The following PTPN22 variants were observed in gnomAD, a reference collection of about 807,000 sequenced individuals.
PTPN22 encodes protein tyrosine phosphatase non-receptor type 22, also known as tyrosine-protein phosphatase non-receptor type 22.
PTPN22 carries 85 observed loss-of-function variants against 103.3 expected under a neutral mutation model. That is an observed-to-expected ratio of 0.82 (90% CI 0.69 to 0.99). The LOEUF (loss-of-function observed/expected upper bound fraction) is 0.99. PTPN22 is among the 50% of genes least tolerant of loss of function. PTPN22 has a pLI of 0.00. For missense variants in PTPN22, 865 were observed against 936.9 expected (o/e 0.92, Z 1.00); for synonymous variants, 323 against 310.2 (o/e 1.04, Z -0.43).
chr1:113,845,295 C>T (rs1348695785), intron 11 of PTPN22, among the ~76,000 whole-genome samples: 1 of 150,512 alleles, frequency 6.6e-6, no homozygotes, highest in Non-Finnish European at 1.5e-5. Flanking sequence ...CTACCAGGTT[C>T]GGGTTCAAGT....
At chr1:113,866,650 T>C (rs145578765) in intron 1 of PTPN22, among the ~76,000 whole-genome samples, 1 of 152,236 alleles carries the variant, frequency 6.6e-6, no homozygotes, top group African/African-American at 2.4e-5. Context: ...TAAGTGAAAA[T>C]ATGAGAACAC....
At chr1:113,863,645 G>A (rs1236303667) in intron 1 of PTPN22, among the ~76,000 whole-genome samples, 1 of 152,176 alleles carries the variant, frequency 6.6e-6, no homozygotes, top group African/African-American at 2.4e-5. Context: ...CACTTGCTCT[G>A]TAGGAAGTAC....
In PTPN22 at chr1:113,829,722, AG is replaced by A; in HGVS notation, c.2135-16del. ...GGCCTGCATACCTTAAAAAAAAAAA[AG>A]GAGAAAAACATGTTCCATTGCATAC... On this transcript the variant is annotated splice_polypyrimidine_tract_variant and intron_variant, in intron 17 of 20. Transcript: ENST00000359785. 1 of 1,153,004 alleles carries A rather than the reference AG, an allele frequency of 8.7e-7. No homozygotes were observed. Among genetic ancestry groups the A allele is most frequent in the Non-Finnish European group, 1.3e-6 (1 of 795,566 alleles). The allele number at this position is 1,153,004 out of a possible 1,614,324, so 71.4% of individuals were successfully genotyped here.
exon 3 of PTPN22, chr1:113,859,055 A>G (rs749896098): frequency 2.3e-5 from 37 of 1,613,998 alleles, no homozygotes; most frequent in Non-Finnish European, 3.1e-5. Context: ...GTTATCAGGG[A>G]TAGTTCTACC....
intron 14 of PTPN22, 85 bp from the exon 15 acceptor site, chr1:113,834,524 A>G: frequency 4.3e-6 from 6 of 1,380,576 alleles, no homozygotes; most frequent in Non-Finnish European, 6.1e-6. Flanking sequence ...TACATAAAAC[A>G]TTGAAAGGAC....
intron 18 of PTPN22, among the ~76,000 whole-genome samples, chr1:113,825,772 G>A (rs553977262): frequency 2.4e-4 from 36 of 152,188 alleles, no homozygotes; most frequent in Admixed American, 7.8e-4. Context: ...AGAGTGCAGT[G>A]GCGTGATCTC....
At chr1:113,826,359 A>G (rs1025535160) in intron 18 of PTPN22, among the ~76,000 whole-genome samples, 3 of 148,304 alleles carry the variant, frequency 2.0e-5, no homozygotes, top group Non-Finnish European at 4.5e-5. Flanking sequence ...AGAAAGAAAG[A>G]GAAAGAGAGA....
chr1:113,830,220 G>A (rs1332818318), intron 16 of PTPN22, among the ~76,000 whole-genome samples, 191 bp from the exon 17 acceptor site: 3 of 152,116 alleles, frequency 2.0e-5, no homozygotes, highest in Non-Finnish European at 2.9e-5. Context: ...ATGAGCCTAT[G>A]ATTCATCAAA....
At chr1:113,831,267 A>G (rs1352201906) in intron 16 of PTPN22, among the ~76,000 whole-genome samples, 1 of 152,164 alleles carries the variant, frequency 6.6e-6, no homozygotes, top group African/African-American at 2.4e-5. Context: ...AGTAAAATAC[A>G]CATAAGATTT....
intron 10 of PTPN22, among the ~76,000 whole-genome samples, chr1:113,849,006 A>G (rs904916467): frequency 6.6e-6 from 1 of 152,128 alleles, no homozygotes; most frequent in Non-Finnish European, 1.5e-5. Context: ...TTTGTAAGCA[A>G]CCTTCATCTT....
chr1:113,863,920 TATATA>T lies in PTPN22; in HGVS notation c.88-4465_88-4461del, dbSNP rs1269074095. On this transcript the variant is annotated intron_variant, in intron 1 of 20. Transcript: ENST00000359785. Reference sequence around the variant, plus strand: ...TATATTTAATAAATATATATATATATATATATATTTTTTTTTGACATGGGATCTCA... The same window carrying T: ...TATATTTAATAAATATATATATATATTATTTTTTTTTGACATGGGATCTCA... 3.3e-3 allele frequency among the ~76,000 whole-genome samples: 336 copies of T among 102,420 alleles called. 1 individual carries two copies. Among genetic ancestry groups the T allele is most frequent in the African/African-American group, 0.017 (309 of 18,724 alleles). The allele number at this position is 102,420 out of a possible 152,430, so 67.2% of individuals were successfully genotyped here. A position where few individuals can be genotyped will look rare whatever the true frequency, so the allele number is the denominator to read the frequency against.
intron 13 of PTPN22, among the ~76,000 whole-genome samples, chr1:113,837,181 G>T (rs1663088605): frequency 6.6e-6 from 1 of 152,138 alleles, no homozygotes; most frequent in African/African-American, 2.4e-5. Flanking sequence ...GCTAGGCGTG[G>T]TGGCTCATGC....
exon 21 of PTPN22, chr1:113,813,839 G>A (rs1660972620): frequency 6.6e-6 from 1 of 152,276 alleles, no homozygotes; most frequent in African/African-American, 2.4e-5. Context: ...AGTTTATTGA[G>A]TGTCTGTTGG....
chr1:113,841,596 CTTT>C (rs35197593), intron 11 of PTPN22, among the ~76,000 whole-genome samples: 27 of 138,516 alleles, frequency 1.9e-4, no homozygotes, highest in Non-Finnish European at 2.3e-4. Context: ...GTAAACAACT[CTTT>C]TTTTTTTTTT....
chr1:113,832,993 A>T (rs1451329368), intron 16 of PTPN22, 118 bp downstream of exon 16: 1 of 991,074 alleles, frequency 1.0e-6, no homozygotes, highest in African/African-American at 1.7e-5. Flanking sequence ...TAAATCAATG[A>T]ATACTGGAAG....
chr1:113,861,366 A>T (rs1383682141), intron 1 of PTPN22, among the ~76,000 whole-genome samples: 1 of 151,932 alleles, frequency 6.6e-6, no homozygotes, highest in East Asian at 1.9e-4. Context: ...TCAGCTTCCA[A>T]AGTAGCTGGG....
At chr1:113,831,888 C>T (rs571943990) in intron 16 of PTPN22, among the ~76,000 whole-genome samples, 1 of 152,282 alleles carries the variant, frequency 6.6e-6, no homozygotes, top group Admixed American at 6.5e-5. Flanking sequence ...CCTGCCTATT[C>T]TAACCCTGTG....
rs201169303 is a variant in PTPN22, at chr1:113,843,115, G to A, written c.916-4495C>T. Reference sequence around the variant, plus strand: ...ACTCCGTCTCAAAAAAAAAAAAAAAGAAAACTAAACATAGAATTACCACAT... The same window carrying A: ...ACTCCGTCTCAAAAAAAAAAAAAAAAAAAACTAAACATAGAATTACCACAT... On this transcript the variant is annotated intron_variant, in intron 11 of 20. Coordinates refer to ENST00000359785, the Ensembl canonical transcript of PTPN22. Among the ~76,000 whole-genome samples the A allele has an allele frequency of 3.1e-3, 272 of 88,574 alleles. 1 individual carries two copies. The highest frequency in any genetic ancestry group is 6.3e-3 in the Middle Eastern group (1 of 160). The allele number at this position is 88,574 out of a possible 152,430, so 58.1% of individuals were successfully genotyped here. A position where few individuals can be genotyped will look rare whatever the true frequency, so the allele number is the denominator to read the frequency against.
At chr1:113,859,551 A>G in intron 1 of PTPN22, 91 bp from the exon 2 acceptor site, 1 of 993,048 alleles carries the variant, frequency 1.0e-6, no homozygotes, top group Non-Finnish European at 1.6e-6. Flanking sequence ...CTGGCAAAAC[A>G]TTCTACCTCA....
Sources: gnomAD v4.1 joint callset for allele counts (sites outside exome capture counted in the v4.1 genomes callset) on GRCh38, gnomAD v4.1.1 for gene constraint, MANE v1.5 for transcripts, NCBI Gene and HGNC (gene_info 2026-07-23, HGNC 2026-07-21) for gene names.